GATAD2B: variants seen among roughly 807,000 people sequenced by gnomAD.
GATAD2B encodes GATA zinc finger domain containing 2B, also known as transcriptional repressor p66-beta.
A neutral mutation model predicts 64.3 loss-of-function variants in GATAD2B; 8 were observed. The observed-to-expected ratio is 0.12, with a 90% CI of 0.07 to 0.22. GATAD2B has a LOEUF of 0.22. Ranked by LOEUF, GATAD2B falls within the 10% of genes least tolerant of loss-of-function variation. The pLI, the probability that GATAD2B is intolerant of heterozygous loss-of-function variation, is 1.00. For synonymous variants in GATAD2B, 281 were observed against 271.3 expected (o/e 1.04, Z -0.35); for missense variants, 453 against 752.0 (o/e 0.60, Z 4.65).
intron 1 of GATAD2B, chr1:153,852,475 C>T (rs899168606): frequency 1.3e-4 from 101 of 758,262 alleles, no homozygotes; most frequent in Non-Finnish European, 3.9e-5. Flanking sequence ...CAGGCAATAG[C>T]AAGAGTACGT....
At chr1:153,885,842 G>A (rs1228611986) in intron 1 of GATAD2B, among the ~76,000 whole-genome samples, 5 of 138,608 alleles carry the variant, frequency 3.6e-5, no homozygotes, top group South Asian at 2.2e-4. Flanking sequence ...CAGCCTGGGC[G>A]ACAGAGCAAG....
chr1:153,840,774 G>A (rs1389230410), intron 1 of GATAD2B, among the ~76,000 whole-genome samples: 2 of 151,902 alleles, frequency 1.3e-5, no homozygotes, highest in Admixed American at 1.3e-4. Flanking sequence ...GTCTCAAATG[G>A]TCACAGAGAA....
intron 1 of GATAD2B, among the ~76,000 whole-genome samples, chr1:153,838,802 T>A (rs927383443): frequency 3.9e-5 from 6 of 152,116 alleles, no homozygotes; most frequent in Admixed American, 6.6e-5. Flanking sequence ...AATGTGAGGA[T>A]GAAAAGCAGT....
chr1:153,831,300 A>G (rs1570940686), intron 1 of GATAD2B, among the ~76,000 whole-genome samples: 1 of 152,180 alleles, frequency 6.6e-6, no homozygotes, highest in Non-Finnish European at 1.5e-5. Context: ...ACACATGGAC[A>G]CAGGAAGGGG....
chr1:153,814,616 C>G (rs1321285419), intron 7 of GATAD2B, among the ~76,000 whole-genome samples: 1 of 152,010 alleles, frequency 6.6e-6, no homozygotes, highest in African/African-American at 2.4e-5. Context: ...CTACTAAAAA[C>G]AGAAATAATT....
Position 153,848,735 on chromosome 1 carries a change from T to C in GATAD2B, c.-1-20387A>G, listed in dbSNP as rs555436469. 2.0e-5 allele frequency among the ~76,000 whole-genome samples: 3 copies of C among 152,138 alleles called. No individual in the cohort carries two copies. The South Asian group carries it at 6.2e-4, about 32-fold the overall frequency. On this transcript the variant is annotated intron_variant, in intron 1 of 10. Coordinates refer to ENST00000368655, the MANE Select transcript of GATAD2B (RefSeq NM_020699.4). ...TTGGGAGGCCGAGGCGGGTGGATCA[T>C]GAGGTCAGGAGTTCAAGAACAGCCT...
At chr1:153,900,426 G>T (rs1347294761) in intron 1 of GATAD2B, among the ~76,000 whole-genome samples, 1 of 151,202 alleles carries the variant, frequency 6.6e-6, no homozygotes, top group Non-Finnish European at 1.5e-5. Context: ...AAAAAAAAAA[G>T]AAAAGAAAAG....
intron 1 of GATAD2B, among the ~76,000 whole-genome samples, chr1:153,855,813 G>A (rs934715803): frequency 6.6e-6 from 1 of 152,140 alleles, no homozygotes; most frequent in African/African-American, 2.4e-5. Flanking sequence ...ACTGGGAGTA[G>A]CTGGGACTAC....
Position 153,905,741 on chromosome 1 carries a change from T to C in GATAD2B, c.-2+16992A>G, listed in dbSNP as rs1427129280. Among the ~76,000 whole-genome samples the C allele has an allele frequency of 3.1e-5, 4 of 129,526 alleles. No individual in the cohort carries two copies. The Admixed American group carries it at 3.6e-4, about 12-fold the overall frequency. 85.0% of individuals were successfully genotyped at this position (129,526 alleles called of 152,430 possible). On this transcript the variant is annotated intron_variant, in intron 1 of 10. Transcript: ENST00000368655. Reference sequence around the variant, plus strand: ...GAGCCCAGGAGTTTGAAACCATGCCTGGGCAACATAGCAAGAACCAGTCTC... The same window carrying C: ...GAGCCCAGGAGTTTGAAACCATGCCCGGGCAACATAGCAAGAACCAGTCTC...
chr1:153,899,817 C>A (rs1677713842), intron 1 of GATAD2B, among the ~76,000 whole-genome samples: 1 of 152,108 alleles, frequency 6.6e-6, no homozygotes, highest in African/African-American at 2.4e-5. Flanking sequence ...CGGTTGTAAA[C>A]TGGTACAAAT....
intron 1 of GATAD2B, among the ~76,000 whole-genome samples, chr1:153,904,184 G>A (rs1248679282): frequency 1.3e-5 from 2 of 151,912 alleles, no homozygotes; most frequent in South Asian, 2.1e-4. Context: ...GAAGGCTGAC[G>A]CAGGAAAATC....
intron 1 of GATAD2B, among the ~76,000 whole-genome samples, chr1:153,899,775 G>A (rs1020183522): frequency 6.6e-6 from 1 of 152,114 alleles, no homozygotes; most frequent in Non-Finnish European, 1.5e-5. Context: ...TTTCAATTGA[G>A]TTGTTTCAGA....
At chr1:153,912,885 G>T (rs1264539687) in intron 1 of GATAD2B, among the ~76,000 whole-genome samples, 2 of 152,012 alleles carry the variant, frequency 1.3e-5, no homozygotes, top group African/African-American at 4.8e-5. Context: ...CTGAGGTCAG[G>T]AGTTCAAGAC....
At chr1:153,830,148 G>C (rs973351595) in intron 1 of GATAD2B, among the ~76,000 whole-genome samples, 11 of 152,100 alleles carry the variant, frequency 7.2e-5, no homozygotes, top group African/African-American at 2.7e-4. Flanking sequence ...TATTATATTT[G>C]TATTTATGTA....
intron 1 of GATAD2B, among the ~76,000 whole-genome samples, chr1:153,832,858 T>C (rs1191449410): frequency 6.6e-6 from 1 of 152,174 alleles, no homozygotes; most frequent in African/African-American, 2.4e-5. Flanking sequence ...TATAAGCCCA[T>C]GTGAACAGCA....
intron 1 of GATAD2B, among the ~76,000 whole-genome samples, chr1:153,920,389 C>A (rs1270469625): frequency 6.6e-6 from 1 of 152,194 alleles, no homozygotes; most frequent in Non-Finnish European, 1.5e-5. Context: ...TTTGAAAGTA[C>A]TTTAAGGTTG....
chr1:153,886,361 G>A (rs1209692054), intron 1 of GATAD2B: 1 of 152,058 alleles, frequency 6.6e-6, no homozygotes, highest in South Asian at 2.1e-4. Flanking sequence ...TAACACAATG[G>A]TAAGTATTTG....
intron 1 of GATAD2B, among the ~76,000 whole-genome samples, chr1:153,904,699 G>A (rs1008580630): frequency 1.3e-5 from 2 of 151,592 alleles, no homozygotes; most frequent in Non-Finnish European, 2.9e-5. Context: ...GTGCCACCAG[G>A]CCCAGCTAAT....
intron 1 of GATAD2B, among the ~76,000 whole-genome samples, chr1:153,909,207 T>C (rs775897236): frequency 6.6e-6 from 1 of 151,874 alleles, no homozygotes; most frequent in Non-Finnish European, 1.5e-5. Context: ...CTTGTCTCAT[T>C]AAAAATAATT....
Sources: allele counts gnomAD v4.1 joint callset (sites outside exome capture counted in the v4.1 genomes callset), GRCh38; gene constraint gnomAD v4.1.1; transcripts MANE v1.5; gene names NCBI Gene and HGNC (gene_info 2026-07-23, HGNC 2026-07-21).